The following UBE3B variants were observed in gnomAD, a reference collection of about 807,000 sequenced individuals.
UBE3B encodes the protein ubiquitin protein ligase E3B.
In UBE3B, 80 loss-of-function variants were observed where a neutral mutation model predicts 132.3. The observed-to-expected ratio is 0.60, with a 90% CI of 0.50 to 0.73. The LOEUF is 0.73. Among genes scored for constraint, UBE3B ranks in the 30% least tolerant of loss-of-function variants. The pLI, the probability that UBE3B is intolerant of heterozygous loss-of-function variation, is 0.00. For missense variants in UBE3B, 1,196 were observed against 1,362.5 expected, an observed-to-expected ratio of 0.88 and a Z score of 1.92; for synonymous variants, 487 against 520.4, an observed-to-expected ratio of 0.94 and a Z score of 0.87.
chr12:109,506,039 C>T (rs1350279834), intron 14 of UBE3B, among the ~76,000 whole-genome samples: 1 of 152,168 alleles, frequency 6.6e-6, no homozygotes, highest in East Asian at 1.9e-4. Flanking sequence ...CGTGATGTGG[C>T]CTGTGTGTCT....
At chr12:109,500,532 TAAAA>T (rs1444138477) in intron 12 of UBE3B, among the ~76,000 whole-genome samples, 1 of 152,152 alleles carries the variant, frequency 6.6e-6, no homozygotes, top group African/African-American at 2.4e-5. Context: ...CCTATCTAGT[TAAAA>T]AGACTCATTG....
intron 15 of UBE3B, chr12:109,508,741 T>C (rs1246286684): frequency 3.0e-6 from 3 of 985,294 alleles, no homozygotes; most frequent in Non-Finnish European, 2.4e-6. Flanking sequence ...GTGAATCTTA[T>C]TCTAGTGTAT....
At chr12:109,533,644 G>A in intron 27 of UBE3B, 86 bp downstream of exon 27, 1 of 1,285,070 alleles carries the variant, frequency 7.8e-7, no homozygotes, top group South Asian at 1.2e-5. Flanking sequence ...CCCTTATCTA[G>A]TCCATATCTC....
Position 109,510,368 on chromosome 12 carries a change from A to T in UBE3B, c.1766A>T (p.Glu589Val). ...IVENAKGETL[E>V]LFQSVHGWLM... ...GAGAACGCCAAGGGTGAGACCTTGGAGCTGTTCCAGTCTGTCCACGGGTGG... is the reference window on the plus strand; with the variant it reads ...GAGAACGCCAAGGGTGAGACCTTGGTGCTGTTCCAGTCTGTCCACGGGTGG... Residue 589 changes from glutamate (E) to valine (V), a missense_variant, in exon 17 of 28, where the codon GAG becomes GTG. Physicochemically the swap from Glu to Val is moderately radical, Grantham distance 121. Coordinates refer to ENST00000342494, the MANE Select transcript of UBE3B (RefSeq NM_130466.4). The T allele has an allele frequency of 6.2e-7, 1 of 1,610,720 alleles. No homozygotes were observed. The highest frequency in any genetic ancestry group is 8.5e-7 in the Non-Finnish European group (1 of 1,178,688).
chr12:109,534,452 G>T lies in UBE3B; in HGVS notation c.3016-139G>T, dbSNP rs1883264241. On this transcript the variant is annotated intron_variant, in intron 27 of 27. Coordinates refer to ENST00000342494, the MANE Select transcript of UBE3B (RefSeq NM_130466.4). The surrounding 1 kb of genome is among the most constrained non-coding windows in gnomAD (Gnocchi z 5.2). ...TGTCTGGGGCTTGACCTCGGGTAGT[G>T]GTGCCAGGGCAGCGCCCTGCACTCT... 7.0e-7 allele frequency: 1 copy of T among 1,436,424 alleles called. No homozygotes were observed. The highest frequency in any genetic ancestry group is 1.4e-5 in the African/African-American group (1 of 69,002). 89.0% of individuals were successfully genotyped at this position (1,436,424 alleles called of 1,614,324 possible).
chr12:109,524,811 G>A (rs1882139705), intron 23 of UBE3B, among the ~76,000 whole-genome samples: 2 of 152,048 alleles, frequency 1.3e-5, no homozygotes, highest in African/African-American at 4.8e-5. Flanking sequence ...TACAAATGGA[G>A]GATTATGTCT....
rs1004228102 is a variant in UBE3B at position 109,522,877 on chromosome 12, G to A, written c.2365-1101G>A. Among the ~76,000 whole-genome samples, 3 of 152,150 alleles carry A rather than the reference G, an allele frequency of 2.0e-5. No individual in the cohort carries two copies. Among genetic ancestry groups the A allele is most frequent in the Non-Finnish European group, 4.4e-5 (3 of 68,034 alleles). On this transcript the variant is annotated intron_variant, in intron 21 of 27. Transcript: ENST00000342494. The surrounding 1 kb of genome is among the most constrained non-coding windows in gnomAD (Gnocchi z 4.2). The stretch of plus-strand genomic sequence containing the variant: ...AACAATTTCTCAGTTGATTTCCATT[G>A]AAAAAGTTAAAAATCCCATTAGGAC...
In UBE3B at chr12:109,486,082, G is replaced by T; in HGVS notation, c.342+11G>T. 6.4e-7 allele frequency: 1 copy of T among 1,556,896 alleles called. No homozygotes were observed. The highest frequency in any genetic ancestry group is 2.4e-5 in the East Asian group (1 of 41,654). On this transcript the variant is annotated intron_variant, in intron 5 of 27. Transcript: ENST00000342494. ...GAGAATGAGCCTAAGGTAAGTGGAC[G>T]GGAGCCGCAGTGTCTCCCACAAGCT... is the stretch of plus-strand genomic sequence containing the variant.
intron 24 of UBE3B, among the ~76,000 whole-genome samples, chr12:109,527,191 ACT>A (rs1275515788): frequency 6.6e-6 from 1 of 152,080 alleles, no homozygotes; most frequent in African/African-American, 2.4e-5. Flanking sequence ...AATTGGAGAG[ACT>A]CTGAGGCCCA....
rs757511606 is a variant in UBE3B at position 109,498,292 on chromosome 12, C to G, written c.879C>G (p.Asp293Glu). 9 of 1,614,066 alleles carry G rather than the reference C, an allele frequency of 5.6e-6. No homozygotes were observed. In the South Asian group the frequency reaches 8.8e-5, roughly 16 times the overall value. The change falls in exon 11 of 28, where the codon GAC (aspartate) becomes GAG (glutamate). Residue 293 changes from aspartate (D) to glutamate (E), a missense_variant. By Grantham distance (45) the Asp-to-Glu change is conservative. Coordinates refer to ENST00000342494, the MANE Select transcript of UBE3B (RefSeq NM_130466.4). ...GTAAATTCATCATATTTTTAAGAGA[C>G]CAAGATCGATGCCGTGATGTATGTG... The part of the protein sequence containing the change: ...MLRKFIIFLR[D>E]QDRCRDVCES...
intron 19 of UBE3B, among the ~76,000 whole-genome samples, chr12:109,518,577 A>C (rs953491860): frequency 7.2e-5 from 11 of 152,112 alleles, no homozygotes; most frequent in Non-Finnish European, 2.9e-5. Flanking sequence ...GTCTCTAGAA[A>C]TCCTCAGCCC....
chr12:109,539,808 G>A (rs1346558383), downstream of UBE3B, among the ~76,000 whole-genome samples: 1 of 152,136 alleles, frequency 6.6e-6, no homozygotes, highest in African/African-American at 2.4e-5. Flanking sequence ...GGCTCCCTGT[G>A]TGCCCACACC....
rs559162274 is a variant in UBE3B at position 109,481,056 on chromosome 12, T to C, written c.-127-581T>C. ...GGAGGCGGAGCTTGCAGTGAGCCAA[T>C]ATCGCGCCACTGCACTCCAGCCTGG... On this transcript the variant is annotated intron_variant, in intron 1 of 27. Coordinates refer to ENST00000342494, the MANE Select transcript of UBE3B (RefSeq NM_130466.4). Among the ~76,000 whole-genome samples the C allele has an allele frequency of 6.1e-5, 9 of 148,084 alleles. No individual in the cohort carries two copies. The South Asian group carries it at 1.1e-3, about 18-fold the overall frequency.
intron 24 of UBE3B, among the ~76,000 whole-genome samples, chr12:109,527,517 A>G (rs543210538): frequency 3.3e-5 from 5 of 152,296 alleles, no homozygotes; most frequent in African/African-American, 4.8e-5. Context: ...CCCAAGCATC[A>G]TGTTCCTCTC....
At chr12:109,503,803 C>G (rs185691873) in intron 14 of UBE3B, among the ~76,000 whole-genome samples, 1 of 152,190 alleles carries the variant, frequency 6.6e-6, no homozygotes, top group Non-Finnish European at 1.5e-5. Flanking sequence ...ATGAATTGGT[C>G]TTACAAGTAC....
At chr12:109,540,344 A>G (rs1883585469), downstream of UBE3B, among the ~76,000 whole-genome samples, 1 of 152,164 alleles carries the variant, frequency 6.6e-6, no homozygotes, top group Non-Finnish European at 1.5e-5. Context: ...GGTAGCTGGG[A>G]CCACAAGTGT....
At chr12:109,524,322 C>A in intron 22 of UBE3B, 116 bp from the exon 23 acceptor site, 2 of 1,419,972 alleles carry the variant, frequency 1.4e-6, no homozygotes, top group Non-Finnish European at 2.0e-6. Context: ...TTGCGTCAAG[C>A]TGTTCAGCAG....
intron 9 of UBE3B, among the ~76,000 whole-genome samples, chr12:109,495,113 G>A (rs186888312): frequency 1.2e-3 from 176 of 152,306 alleles, no homozygotes; most frequent in African/African-American, 4.0e-3. Flanking sequence ...GATCAGAGAG[G>A]TTAGCTCAGT....
intron 18 of UBE3B, among the ~76,000 whole-genome samples, chr12:109,512,708 T>G (rs1046597468): frequency 6.6e-6 from 1 of 152,226 alleles, no homozygotes; most frequent in African/African-American, 2.4e-5. Flanking sequence ...TCCTTGACTT[T>G]AATACTTATG....
Sources: gnomAD v4.1 joint callset for allele counts (sites outside exome capture counted in the v4.1 genomes callset) on GRCh38, gnomAD v4.1.1 for gene constraint, Gnocchi (gnomAD v3.1) non-coding constraint, MANE v1.5 for transcripts, NCBI Gene and HGNC (gene_info 2026-07-23, HGNC 2026-07-21) for gene names.